The following WDR17 variants were observed in gnomAD, a reference collection of about 807,000 sequenced individuals.
The protein encoded by WDR17 is WD repeat domain 17.
A neutral mutation model predicts 161.7 loss-of-function variants in WDR17; 143 were observed. The observed-to-expected ratio is 0.88, with a 90% confidence interval of 0.77 to 1.02. WDR17 has a LOEUF of 1.02. Ranked by LOEUF, WDR17 falls within the 50% of genes least tolerant of loss-of-function variation. WDR17 has a pLI of 0.00. For synonymous variants in WDR17, 517 were observed against 515.6 expected (o/e 1.00, Z -0.04); for missense variants, 1,469 against 1,520.9 (o/e 0.97, Z 0.57).
chr4:176,152,439 C>T (rs1747325556), intron 17 of WDR17, among the ~76,000 whole-genome samples: 1 of 150,690 alleles, frequency 6.6e-6, no homozygotes, highest in African/African-American at 2.4e-5. Flanking sequence ...TGCTAAAATA[C>T]AGAAAAACAA....
chr4:176,179,118 A>C (rs1031846161), intron 28 of WDR17, among the ~76,000 whole-genome samples: 6 of 152,220 alleles, frequency 3.9e-5, no homozygotes, highest in African/African-American at 1.4e-4. Context: ...GCCTATTACT[A>C]GACATATATG....
chr4:176,073,321 T>C (rs1421787396), intron 1 of WDR17, among the ~76,000 whole-genome samples: 1 of 152,146 alleles, frequency 6.6e-6, no homozygotes, highest in Admixed American at 6.6e-5. Context: ...GTTCTCATTG[T>C]TCAATTCCCA....
At chr4:176,087,895 T>C (rs1233011780) in intron 1 of WDR17, among the ~76,000 whole-genome samples, 7 of 151,976 alleles carry the variant, frequency 4.6e-5, no homozygotes, top group East Asian at 1.9e-4. Context: ...CCAGGCTGGA[T>C]TGCAGTGGCG....
chr4:176,123,805 C>T (rs549002029), intron 4 of WDR17, among the ~76,000 whole-genome samples: 1 of 152,278 alleles, frequency 6.6e-6, no homozygotes, highest in East Asian at 1.9e-4. Flanking sequence ...TGGCGATCAG[C>T]CTAACCTTCA....
chr4:176,104,808 C>T (rs528219858), intron 1 of WDR17, among the ~76,000 whole-genome samples: 567 of 151,924 alleles, frequency 3.7e-3, no homozygotes, highest in Non-Finnish European at 5.2e-3. Flanking sequence ...AAGACAAAAG[C>T]GTTGCAGGAA....
intron 22 of WDR17, chr4:176,166,105 AT>A: frequency 9.2e-7 from 1 of 1,091,152 alleles, no homozygotes; most frequent in Non-Finnish European, 1.3e-6. Flanking sequence ...TGGTATTCAT[AT>A]TTAATATTTT....
intron 26 of WDR17, among the ~76,000 whole-genome samples, chr4:176,176,260 T>C (rs1751443597): frequency 6.6e-6 from 1 of 152,214 alleles, no homozygotes; most frequent in Admixed American, 6.5e-5. Context: ...TGTGACTAAG[T>C]TTAGGGAATG....
intron 1 of WDR17, chr4:176,096,569 A>T (rs763374617): frequency 1.2e-6 from 2 of 1,601,230 alleles, no homozygotes; most frequent in Non-Finnish European, 1.7e-6. Flanking sequence ...GATGATTGGT[A>T]TGAAGGACTA....
At chr4:176,126,478 T>G (rs1320187240) in intron 5 of WDR17, among the ~76,000 whole-genome samples, 1 of 152,230 alleles carries the variant, frequency 6.6e-6, no homozygotes, top group Non-Finnish European at 1.5e-5. Flanking sequence ...TTCACTTCTT[T>G]AATACTTAAC....
At position 176,177,613 on chromosome 4, in the gene WDR17, T is replaced by C. The variant is rs1460502848; in HGVS notation, c.3691T>C (p.Ser1231Pro). The change falls in exon 28 of 29, where the codon TCT (serine) becomes CCT (proline). Residue 1231 changes from serine to proline, a missense_variant. Coordinates refer to ENST00000508596, the MANE Select transcript of WDR17 (RefSeq NM_181265.4). Reference protein sequence around the residue: ...YVTGSNLPSHSDIHISCLTGL... With the variant: ...YVTGSNLPSHPDIHISCLTGL... ...GACTGGATCAAATCTTCCAAGTCATTCTGATATTCACATTTCTTGTCTTAC... is the reference window on the plus strand; with the variant it reads ...GACTGGATCAAATCTTCCAAGTCATCCTGATATTCACATTTCTTGTCTTAC... The C allele has an allele frequency of 6.3e-7, 1 of 1,597,424 alleles. No homozygotes were observed. The highest frequency in any genetic ancestry group is 1.1e-5 in the South Asian group (1 of 87,678).
At chr4:176,123,911 G>T (rs775778596) in intron 4 of WDR17, among the ~76,000 whole-genome samples, 22 of 152,174 alleles carry the variant, frequency 1.4e-4, no homozygotes, top group Non-Finnish European at 3.1e-4. Context: ...CCATTGTGAA[G>T]CCACCTAGTG....
chr4:176,085,622 C>T (rs968316611), intron 1 of WDR17, among the ~76,000 whole-genome samples: 1 of 151,862 alleles, frequency 6.6e-6, no homozygotes, highest in Admixed American at 6.6e-5. Context: ...TTTTTTATGT[C>T]AGTAAGTTCT....
At chr4:176,111,783 T>C (rs1739793904) in intron 2 of WDR17, 80 bp downstream of exon 2, 1 of 1,241,210 alleles carries the variant, frequency 8.1e-7, no homozygotes, top group African/African-American at 1.6e-5. Flanking sequence ...AAGTCCTTGT[T>C]ACATGAAAAA....
chr4:176,156,010 A>G, intron 17 of WDR17, 69 bp from the exon 18 acceptor site: 2 of 1,357,500 alleles, frequency 1.5e-6, no homozygotes, highest in East Asian at 4.7e-5. Context: ...TCTATTTTTT[A>G]AGTGTCTTAA....
At position 176,179,569 on chromosome 4, in the gene WDR17, A is replaced by G. The variant is rs569917602; in HGVS notation, c.3842A>G (p.Asn1281Ser). The change falls in exon 29 of 29, where the codon AAT becomes AGT. Residue 1281 changes from asparagine (N) to serine (S), a missense_variant. Coordinates refer to ENST00000508596, the MANE Select transcript of WDR17 (RefSeq NM_181265.4). ...CCTTTAGGGACTGGAATACGACTCA[A>G]TCCATTCTGATAGAAGATTTTTGTC... ...FSPLGTGIRL[N>S]PF 38 of 1,555,530 alleles carry G rather than the reference A, an allele frequency of 2.4e-5. No individual in the cohort carries two copies. Among genetic ancestry groups the G allele is most frequent in the South Asian group, 1.6e-4 (13 of 79,868 alleles).
At position 176,119,984 on chromosome 4, in the gene WDR17, A is replaced by C; in HGVS notation, c.425A>C (p.His142Pro). 1 of 1,614,088 alleles carries C rather than the reference A, an allele frequency of 6.2e-7. No individual in the cohort carries two copies. Among genetic ancestry groups the C allele is most frequent in the South Asian group, 1.1e-5 (1 of 91,076 alleles). Residue 142 changes from histidine (H) to proline (P), a missense_variant, in exon 4 of 29, where the codon CAC (histidine) becomes CCC (proline). Physicochemically the swap from His to Pro is moderately conservative, Grantham distance 77. Coordinates refer to ENST00000508596, the MANE Select transcript of WDR17 (RefSeq NM_181265.4). The part of the protein sequence containing the change: ...ISGPDSGVIV[H>P]KDAHSFLSDI... ...GGACCAGATAGTGGAGTGATTGTAC[A>C]CAAAGATGCTCATAGCTTCTTGTCT...
intron 6 of WDR17, among the ~76,000 whole-genome samples, chr4:176,129,463 G>A (rs1360809083): frequency 2.0e-5 from 3 of 151,908 alleles, no homozygotes; most frequent in Admixed American, 6.6e-5. Context: ...GAAATTTGGG[G>A]GAGGTTTAGA....
At chr4:176,125,496 G>A in intron 5 of WDR17, 141 bp downstream of exon 5, 1 of 1,054,766 alleles carries the variant, frequency 9.5e-7, no homozygotes, top group Non-Finnish European at 1.3e-6. Context: ...AATTACTAGT[G>A]TACTTTTATT....
chr4:176,112,535 T>G (rs1177383106), intron 2 of WDR17, among the ~76,000 whole-genome samples: 1 of 152,208 alleles, frequency 6.6e-6, no homozygotes, highest in African/African-American at 2.4e-5. Flanking sequence ...ACCAATTACA[T>G]TTTTCTAAGA....
Sources: allele counts gnomAD v4.1 joint callset (sites outside exome capture counted in the v4.1 genomes callset), GRCh38; gene constraint gnomAD v4.1.1; transcripts MANE v1.5; gene names NCBI Gene and HGNC (gene_info 2026-07-23, HGNC 2026-07-21).